The following SGPP2 variants were observed in gnomAD, a reference collection of about 807,000 sequenced individuals.
SGPP2 encodes the protein sphingosine-1-phosphate phosphatase 2.
SGPP2 carries 30 observed loss-of-function variants against 33.9 expected under a neutral mutation model. The observed-to-expected ratio is 0.89, with a 90% CI of 0.66 to 1.20. SGPP2 has a LOEUF of 1.20. Ranked by LOEUF, SGPP2 falls within the 50% of genes most tolerant of loss-of-function variation. The probability of loss-of-function intolerance (pLI) is 0.00; values close to 1 mark genes in which losing one functional copy is unlikely to be tolerated. For synonymous variants in SGPP2, 233 were observed against 225.0 expected, an observed-to-expected ratio of 1.04 and a Z score of -0.32; for missense variants, 458 against 532.1, an observed-to-expected ratio of 0.86 and a Z score of 1.37.
chr2:222,519,118 A>C (rs1698647052), intron 2 of SGPP2, among the ~76,000 whole-genome samples: 1 of 152,262 alleles, frequency 6.6e-6, no homozygotes. Flanking sequence ...CACGAGCTAA[A>C]TAAAACCCTG....
intron 1 of SGPP2, among the ~76,000 whole-genome samples, chr2:222,426,972 C>T (rs1211230995): frequency 6.6e-6 from 1 of 152,198 alleles, no homozygotes; most frequent in Non-Finnish European, 1.5e-5. Flanking sequence ...CTTCTATTTC[C>T]AAAGGTCAGT....
At chr2:222,432,819 C>G (rs773716016) in intron 1 of SGPP2, among the ~76,000 whole-genome samples, 4 of 151,950 alleles carry the variant, frequency 2.6e-5, no homozygotes, top group Non-Finnish European at 2.9e-5. Context: ...GTCAGGAGTT[C>G]GAGGCCAGAC....
At chr2:222,450,184 G>A (rs1234314403) in intron 1 of SGPP2, among the ~76,000 whole-genome samples, 23 of 152,174 alleles carry the variant, frequency 1.5e-4, no homozygotes, top group African/African-American at 5.5e-4. Flanking sequence ...CTCACTAACT[G>A]TTCCAGCACC....
chr2:222,463,215 A>G (rs1697692389), intron 1 of SGPP2, among the ~76,000 whole-genome samples: 1 of 152,190 alleles, frequency 6.6e-6, no homozygotes, highest in African/African-American at 2.4e-5. Context: ...GATATCCACT[A>G]CCACATATCC....
chr2:222,532,001 G>A (rs1311232791), intron 4 of SGPP2, among the ~76,000 whole-genome samples: 1 of 152,102 alleles, frequency 6.6e-6, no homozygotes, highest in African/African-American at 2.4e-5. Context: ...GGCTAGGCAC[G>A]GTGGCTCATG....
intron 1 of SGPP2, among the ~76,000 whole-genome samples, chr2:222,467,285 CT>C (rs149479624): frequency 0.12 from 18,737 of 152,134 alleles, 1,439 homozygotes; most frequent in Middle Eastern, 0.23. Context: ...TTGAGAAGTT[CT>C]TTCTAGAAGC....
intron 2 of SGPP2, among the ~76,000 whole-genome samples, chr2:222,483,129 A>G (rs992279580): frequency 2.0e-5 from 3 of 152,242 alleles, no homozygotes; most frequent in African/African-American, 7.2e-5. Context: ...CTGAATGCTA[A>G]TATGGCTTTA....
At chr2:222,466,163 A>G (rs1697741059) in intron 1 of SGPP2, among the ~76,000 whole-genome samples, 1 of 149,210 alleles carries the variant, frequency 6.7e-6, no homozygotes, top group East Asian at 2.0e-4. Flanking sequence ...AGTCTTGTTT[A>G]TTGTCAACCT....
intron 2 of SGPP2, among the ~76,000 whole-genome samples, chr2:222,480,809 A>G (rs770725748): frequency 3.9e-5 from 6 of 152,218 alleles, no homozygotes; most frequent in Non-Finnish European, 5.9e-5. Flanking sequence ...TGGTATTTCC[A>G]TGCGTATATT....
intron 2 of SGPP2, among the ~76,000 whole-genome samples, chr2:222,503,207 G>T (rs966705617): frequency 6.6e-6 from 1 of 152,158 alleles, no homozygotes; most frequent in African/African-American, 2.4e-5. Context: ...GAACCAAAAA[G>T]GGTGAAAACC....
intron 1 of SGPP2, among the ~76,000 whole-genome samples, chr2:222,435,730 G>C (rs1447386067): frequency 6.6e-6 from 1 of 152,210 alleles, no homozygotes; most frequent in Non-Finnish European, 1.5e-5. Flanking sequence ...TATTTTCTTA[G>C]TACAAGTGTA....
chr2:222,475,305 A>G (rs1015149071), intron 2 of SGPP2, among the ~76,000 whole-genome samples: 1 of 152,154 alleles, frequency 6.6e-6, no homozygotes, highest in East Asian at 1.9e-4. Context: ...CTATGAACAC[A>G]ACTTGTTTTA....
intron 2 of SGPP2, among the ~76,000 whole-genome samples, chr2:222,519,490 A>G (rs1172286662): frequency 6.6e-6 from 1 of 152,246 alleles, no homozygotes; most frequent in Non-Finnish European, 1.5e-5. Context: ...TCACTCCTTC[A>G]CAAAGTAAAC....
At chr2:222,483,983 C>A (rs1698067374) in intron 2 of SGPP2, among the ~76,000 whole-genome samples, 1 of 152,100 alleles carries the variant, frequency 6.6e-6, no homozygotes, top group South Asian at 2.1e-4. Context: ...TCTGCCTAGT[C>A]CCTCTGAAGT....
rs1206950176 is a variant in SGPP2, at chr2:222,435,679, C to G, written c.219+10858C>G. The stretch of plus-strand genomic sequence containing the variant: ...AAATGCTGATATGAAGTCAATAAAT[C>G]TTATGTCACATGATAAAGGAGAAAG... On this transcript the variant is annotated intron_variant, in intron 1 of 4. Transcript: ENST00000321276. Among the ~76,000 whole-genome samples, 3 of 152,144 alleles carry G rather than the reference C, an allele frequency of 2.0e-5. No individual in the cohort carries two copies. In the East Asian group the frequency reaches 5.8e-4, roughly 29 times the overall value.
intron 1 of SGPP2, among the ~76,000 whole-genome samples, chr2:222,437,534 G>A (rs1446997689): frequency 1.3e-5 from 2 of 152,216 alleles, no homozygotes; most frequent in Non-Finnish European, 2.9e-5. Flanking sequence ...CAGGCTGGGG[G>A]AGAGAAGGCA....
chr2:222,497,255 T>TG (rs1168691345), intron 2 of SGPP2, among the ~76,000 whole-genome samples: 18 of 148,398 alleles, frequency 1.2e-4, no homozygotes, highest in Non-Finnish European at 2.2e-4. Flanking sequence ...TTCTTCTTTT[T>TG]TTTTTTTTTT....
intron 1 of SGPP2, among the ~76,000 whole-genome samples, chr2:222,469,535 AGGCCATCAGCTCTTTTGCT>A (rs2106091738): frequency 6.6e-6 from 1 of 152,334 alleles, no homozygotes; most frequent in African/African-American, 2.4e-5. Flanking sequence ...ATCAAAGCCT[AGGCCATCAGCTCTTTTGCT>A]GGCTAGTCAG....
Position 222,558,613 on chromosome 2 carries a change from A to G in SGPP2, c.915A>G (p.Glu305=), listed in dbSNP as rs1468168375. 1.1e-5 allele frequency: 17 copies of G among 1,613,998 alleles called. No homozygotes were observed. Among genetic ancestry groups the G allele is most frequent in the Non-Finnish European group, 1.4e-5 (16 of 1,180,028 alleles). ...TCCAGCTTGTATCCAAGCCCGCTGA[A>G]TCTCTCCCTGTTATTCAGAACATCC... ...HFFQLVSKPA[E]SLPVIQNIPP... The change falls in exon 5 of 5, where the codon GAA becomes GAG. Residue 305 remains glutamate (E), a synonymous_variant. Transcript: ENST00000321276.
Sources: gnomAD v4.1 joint callset for allele counts (sites outside exome capture counted in the v4.1 genomes callset) on GRCh38, gnomAD v4.1.1 for gene constraint, MANE v1.5 for transcripts, NCBI Gene and HGNC (gene_info 2026-07-23, HGNC 2026-07-21) for gene names.